The following WARS1 variants were observed in gnomAD, a reference collection of about 807,000 sequenced individuals.
WARS1 encodes the protein tryptophan--tRNA ligase, cytoplasmic.
In WARS1, 17 loss-of-function variants were observed where a neutral mutation model predicts 47.8. The ratio of observed to expected loss-of-function variants is 0.36; its 90% CI spans 0.24 to 0.53. The LOEUF (loss-of-function observed/expected upper bound fraction) is 0.53. Among genes scored for constraint, WARS1 ranks in the 20% least tolerant of loss-of-function variants. The probability of loss-of-function intolerance (pLI) is 0.91; values close to 1 mark genes in which losing one functional copy is unlikely to be tolerated. For missense variants in WARS1, 434 were observed against 608.0 expected, an observed-to-expected ratio of 0.71 and a Z score of 3.01; for synonymous variants, 208 against 228.1, an observed-to-expected ratio of 0.91 and a Z score of 0.79.
chr14:100,361,768 C>T lies in WARS1; in HGVS notation c.253G>A (p.Val85Met). 1 of 1,614,158 alleles carries T rather than the reference C, an allele frequency of 6.2e-7. No individual in the cohort carries two copies. ...PDATEAEEDF[V>M]DPWTVQTSSA... is the part of the protein sequence containing the mutation. ...CTTGTCTGTACTGTCCATGGGTCCA[C>T]AAAATCCTCTTCAGCTTCTGTGGCA... The change falls in exon 3 of 11, where the codon GTG becomes ATG. Residue 85 changes from valine to methionine, a missense_variant. Around this residue, in one of 2 missense-constraint regions of WARS1, gnomAD observed 347 missense variants for 523.8 expected, o/e 0.66. Coordinates refer to ENST00000392882, the MANE Select transcript of WARS1 (RefSeq NM_004184.4).
chr14:100,346,618 C>T (rs1279340892), intron 7 of WARS1, 128 bp downstream of exon 7: 3 of 737,278 alleles, frequency 4.1e-6, no homozygotes, highest in Non-Finnish European at 6.8e-6. Context: ...CCTGGGCATC[C>T]TACTTAAAGA....
chr14:100,374,812 A>T (rs1896552550), intron 1 of WARS1: 1 of 112,688 alleles, frequency 8.9e-6, no homozygotes, highest in African/African-American at 2.9e-5. Flanking sequence ...CAAGAAAATG[A>T]CTTCTTTAGA....
chr14:100,346,662 T>G lies in WARS1; in HGVS notation c.826+84A>C, dbSNP rs1894639196. ...CAAACGCTAACATCTCAGAGATATT[T>G]AAACCAGGCATGTGTCTCCTCCAGA... On this transcript the variant is annotated intron_variant, in intron 7 of 10. Coordinates refer to ENST00000392882, the MANE Select transcript of WARS1 (RefSeq NM_004184.4). The G allele has an allele frequency of 6.1e-6, 7 of 1,145,620 alleles. No individual in the cohort carries two copies. In the South Asian group the frequency reaches 8.9e-5, roughly 15 times the overall value. The allele number at this position is 1,145,620 out of a possible 1,614,324, so 71.0% of individuals were successfully genotyped here. A position where few individuals can be genotyped will look rare whatever the true frequency, so the allele number is the denominator to read the frequency against.
At chr14:100,376,230 C>T (rs1896653013), upstream of WARS1, 1 of 397,402 alleles carries the variant, frequency 2.5e-6, no homozygotes, top group South Asian at 1.3e-4. Context: ...TGTTTCCTCA[C>T]TCCGCCCCGG....
intron 10 of WARS1, among the ~76,000 whole-genome samples, chr14:100,335,574 C>T (rs919040773): frequency 3.7e-4 from 56 of 152,194 alleles, no homozygotes; most frequent in African/African-American, 1.3e-3. Flanking sequence ...GATGGGATTT[C>T]ACCATATTGG....
chr14:100,335,257 G>A (rs775823007), intron 10 of WARS1, among the ~76,000 whole-genome samples: 1 of 152,148 alleles, frequency 6.6e-6, no homozygotes, highest in Non-Finnish European at 1.5e-5. Context: ...CCATGACTTG[G>A]CCTCTCACAG....
intron 10 of WARS1, among the ~76,000 whole-genome samples, chr14:100,335,411 C>T (rs1275199136): frequency 6.6e-6 from 1 of 151,390 alleles, no homozygotes; most frequent in Admixed American, 6.6e-5. Flanking sequence ...TGGAGTCTCA[C>T]TCTGTTGCCA....
intron 10 of WARS1, among the ~76,000 whole-genome samples, chr14:100,336,411 C>G (rs1406576637): frequency 2.0e-5 from 3 of 152,210 alleles, no homozygotes; most frequent in African/African-American, 7.2e-5. Context: ...CCATGCCCTG[C>G]ATATGAACAC....
intron 2 of WARS1, among the ~76,000 whole-genome samples, chr14:100,368,007 G>A (rs1284614937): frequency 1.3e-5 from 2 of 152,186 alleles, no homozygotes; most frequent in African/African-American, 4.8e-5. Flanking sequence ...AATCGACAGG[G>A]GTGAAAGAAC....
chr14:100,360,449 C>T (rs531788210), intron 4 of WARS1, 105 bp downstream of exon 4: 4 of 796,342 alleles, frequency 5.0e-6, no homozygotes, highest in African/African-American at 3.4e-5. Context: ...AGCTGGCCAT[C>T]ACTTTTCCCA....
chr14:100,372,539 T>C (rs973151087), intron 1 of WARS1, among the ~76,000 whole-genome samples: 10 of 152,180 alleles, frequency 6.6e-5, no homozygotes, highest in Non-Finnish European at 1.3e-4. Context: ...ACCCTCTGCC[T>C]AGGGCTAGAG....
rs775100019 is a variant in WARS1 at position 100,373,949 on chromosome 14, T to C, written c.-74+1334A>G. ...TTCACGCATTTATGAGTTTACCCCA[T>C]TTCCTGTGTAAATGTTCTTCTTCCC... is the stretch of plus-strand genomic sequence containing the variant. On this transcript the variant is annotated intron_variant, in intron 1 of 10. Coordinates refer to ENST00000392882, the MANE Select transcript of WARS1 (RefSeq NM_004184.4). This position sits in a 1 kb window ranked among gnomAD's most constrained non-coding sequence, Gnocchi z 4.4. 6.6e-6 allele frequency: 1 copy of C among 152,142 alleles called. No homozygotes were observed. Among genetic ancestry groups the C allele is most frequent in the Non-Finnish European group, 1.5e-5 (1 of 68,018 alleles). The allele number at this position is 152,142 out of a possible 1,614,324, so 9.4% of individuals were successfully genotyped here.
At chr14:100,348,811 G>A (rs550218641) in intron 6 of WARS1, among the ~76,000 whole-genome samples, 13 of 152,280 alleles carry the variant, frequency 8.5e-5, no homozygotes, top group Middle Eastern at 3.4e-3. Context: ...GTAGCTTCAC[G>A]GCGTCTGACT....
At chr14:100,361,962 A>G (rs1013513095) in intron 2 of WARS1, 41 bp from the exon 3 acceptor site, 2 of 1,583,266 alleles carry the variant, frequency 1.3e-6, no homozygotes, top group East Asian at 2.2e-5. Context: ...AGTATTACTA[A>G]TAGCTGATAT....
At chr14:100,370,142 T>C (rs1420685605) in intron 1 of WARS1, among the ~76,000 whole-genome samples, 1 of 152,146 alleles carries the variant, frequency 6.6e-6, no homozygotes, top group Non-Finnish European at 1.5e-5. Flanking sequence ...GTAAGGACTG[T>C]CTCCAGTCTG....
chr14:100,354,621 C>T, intron 4 of WARS1, 55 bp from the exon 5 acceptor site: 1 of 1,551,750 alleles, frequency 6.4e-7, no homozygotes, highest in Admixed American at 2.1e-5. Context: ...AATATCAAGG[C>T]ACTAATGCAC....
chr14:100,357,268 A>G (rs1358757801), intron 4 of WARS1, among the ~76,000 whole-genome samples: 1 of 152,188 alleles, frequency 6.6e-6, no homozygotes, highest in Non-Finnish European at 1.5e-5. Context: ...CATCCTATTG[A>G]AAGTTGAAGT....
At chr14:100,357,904 C>T (rs1261855569) in intron 4 of WARS1, among the ~76,000 whole-genome samples, 1 of 152,114 alleles carries the variant, frequency 6.6e-6, no homozygotes, top group Admixed American at 6.5e-5. Flanking sequence ...AATTACAAAA[C>T]ATCAATGAAA....
At chr14:100,343,604 A>C (rs570587379) in intron 7 of WARS1, among the ~76,000 whole-genome samples, 1 of 151,936 alleles carries the variant, frequency 6.6e-6, no homozygotes, top group South Asian at 2.1e-4. Flanking sequence ...TTTTGTTGTG[A>C]TTACACTATA....
Sources: allele counts gnomAD v4.1 joint callset (sites outside exome capture counted in the v4.1 genomes callset), GRCh38; gene constraint gnomAD v4.1.1; regional missense constraint gnomAD v4.1.1; non-coding constraint Gnocchi (gnomAD v3.1); transcripts MANE v1.5; gene names NCBI Gene and HGNC (gene_info 2026-07-23, HGNC 2026-07-21).